The following CDK7 variants were observed in gnomAD, a reference collection of about 807,000 sequenced individuals.
CDK7 encodes cyclin-dependent kinase 7.
A neutral mutation model predicts 49.1 loss-of-function variants in CDK7; 25 were observed. That is an observed-to-expected ratio of 0.51 (90% CI 0.37 to 0.71). CDK7 has a LOEUF of 0.71. Among genes scored for constraint, CDK7 ranks in the 30% least tolerant of loss-of-function variants. The probability of loss-of-function intolerance (pLI) is 0.00; values close to 1 mark genes in which losing one functional copy is unlikely to be tolerated. For synonymous variants in CDK7, 107 were observed against 140.0 expected, an observed-to-expected ratio of 0.76 and a Z score of 1.67; for missense variants, 316 against 411.7, an observed-to-expected ratio of 0.77 and a Z score of 2.01.
In CDK7 at chr5:69,257,973, A is replaced by T. The variant is rs190471592; in HGVS notation, c.298-70A>T. On this transcript the variant is annotated intron_variant, in intron 5 of 11. Coordinates refer to ENST00000256443, the MANE Select transcript of CDK7 (RefSeq NM_001799.4). Reference sequence around the variant, plus strand: ...TTGATACTTACATTTTAAGTCTGTAAATTGTTTTATGTGGTAGAGTTTATT... The same window carrying T: ...TTGATACTTACATTTTAAGTCTGTATATTGTTTTATGTGGTAGAGTTTATT... The T allele has an allele frequency of 2.1e-4, 166 of 787,286 alleles. No individual in the cohort carries two copies. The African/African-American group carries it at 2.7e-3, about 13-fold the overall frequency. The allele number at this position is 787,286 out of a possible 1,614,324, so 48.8% of individuals were successfully genotyped here. A position where few individuals can be genotyped will look rare whatever the true frequency, so the allele number is the denominator to read the frequency against.
chr5:69,236,260 T>G (rs2150176938), intron 2 of CDK7, among the ~76,000 whole-genome samples: 1 of 151,552 alleles, frequency 6.6e-6, no homozygotes, highest in South Asian at 2.1e-4. Context: ...AAAAAAAGAT[T>G]TGGGTCATAA....
intron 7 of CDK7, among the ~76,000 whole-genome samples, chr5:69,261,318 A>G (rs956383730): frequency 2.0e-5 from 3 of 152,144 alleles, no homozygotes; most frequent in African/African-American, 7.2e-5. Context: ...TTTCTCATCT[A>G]CCAGTTTCTC....
chr5:69,270,217 C>T (rs944857722), intron 9 of CDK7, among the ~76,000 whole-genome samples: 1 of 151,880 alleles, frequency 6.6e-6, no homozygotes, highest in African/African-American at 2.4e-5. Context: ...AAATGGGTCA[C>T]TTGAGCCCAG....
chr5:69,264,952 C>A (rs967027861), intron 8 of CDK7, among the ~76,000 whole-genome samples: 19 of 149,144 alleles, frequency 1.3e-4, no homozygotes, highest in Non-Finnish European at 2.8e-4. Flanking sequence ...GCCTGGGCAA[C>A]AAATGTGAAA....
At chr5:69,265,908 T>TAA (rs71612522) in intron 8 of CDK7, among the ~76,000 whole-genome samples, 6 of 148,598 alleles carry the variant, frequency 4.0e-5, no homozygotes, top group Admixed American at 1.3e-4. Flanking sequence ...AGACACTAGC[T>TAA]AAAAAAAAAA....
chr5:69,248,802 CTTTTTTTT>C (rs70992911), intron 2 of CDK7, among the ~76,000 whole-genome samples: 1 of 92,276 alleles, frequency 1.1e-5, no homozygotes, highest in Non-Finnish European at 2.0e-5. Flanking sequence ...TTTTTTTTTT[CTTTTTTTT>C]TTTTTTTTTG....
At chr5:69,276,030 T>TTTTAC (rs1275966753) in intron 10 of CDK7, among the ~76,000 whole-genome samples, 1 of 152,016 alleles carries the variant, frequency 6.6e-6, no homozygotes, top group Non-Finnish European at 1.5e-5. Flanking sequence ...AGGGAGTCTT[T>TTTTAC]TTTTCTTTTC....
chr5:69,249,505 T>G (rs1192746547), intron 2 of CDK7, among the ~76,000 whole-genome samples: 1 of 151,754 alleles, frequency 6.6e-6, no homozygotes, highest in Non-Finnish European at 1.5e-5. Context: ...ATTGCACCAC[T>G]GCACTCCAGC....
intron 8 of CDK7, among the ~76,000 whole-genome samples, chr5:69,266,006 T>C (rs1336491579): frequency 6.6e-6 from 1 of 152,068 alleles, no homozygotes; most frequent in Non-Finnish European, 1.5e-5. Context: ...GAGGATTGCT[T>C]GAGCCTGGTT....
intron 9 of CDK7, among the ~76,000 whole-genome samples, chr5:69,269,929 T>C (rs1751417301): frequency 6.6e-6 from 1 of 151,310 alleles, no homozygotes. Flanking sequence ...TTCTCTTTGA[T>C]TTTTTAAAAA....
chr5:69,274,730 C>T (rs1751935254), intron 10 of CDK7, among the ~76,000 whole-genome samples: 1 of 152,056 alleles, frequency 6.6e-6, no homozygotes, highest in Non-Finnish European at 1.5e-5. Flanking sequence ...ATTCTCCTGT[C>T]TCAGCCTCCC....
intron 5 of CDK7, among the ~76,000 whole-genome samples, chr5:69,257,400 C>T (rs1210491493): frequency 6.6e-6 from 1 of 152,178 alleles, no homozygotes; most frequent in Non-Finnish European, 1.5e-5. Flanking sequence ...TTAGGCACAG[C>T]TCATAAATAA....
chr5:69,268,572 G>C (rs1367778974), intron 8 of CDK7, among the ~76,000 whole-genome samples: 6 of 152,146 alleles, frequency 3.9e-5, no homozygotes, highest in African/African-American at 9.7e-5. Flanking sequence ...CACTTTGAAG[G>C]CCAGGCATGG....
At chr5:69,246,959 G>A (rs1046169928) in intron 2 of CDK7, among the ~76,000 whole-genome samples, 2 of 152,296 alleles carry the variant, frequency 1.3e-5, no homozygotes, top group African/African-American at 2.4e-5. Context: ...GGTCAGAAAA[G>A]ATATTTGATA....
At chr5:69,247,866 ACT>A (rs1022190935) in intron 2 of CDK7, among the ~76,000 whole-genome samples, 3 of 151,576 alleles carry the variant, frequency 2.0e-5, no homozygotes, top group African/African-American at 7.3e-5. Context: ...AACTAATAAA[ACT>A]CTGCGTTTTA....
chr5:69,253,542 G>A (rs1397120169), intron 3 of CDK7, among the ~76,000 whole-genome samples: 11 of 151,712 alleles, frequency 7.3e-5, no homozygotes, highest in African/African-American at 2.2e-4. Context: ...CTGGGATTAC[G>A]AGCCACCGCG....
Position 69,272,991 on chromosome 5 carries a change from A to G in CDK7, c.814A>G (p.Ile272Val), listed in dbSNP as rs1580351242. 1 of 1,596,180 alleles carries G rather than the reference A, an allele frequency of 6.3e-7. No homozygotes were observed. The highest frequency in any genetic ancestry group is 2.2e-5 in the East Asian group (1 of 44,676). Residue 272 changes from isoleucine (I) to valine (V), a missense_variant, in exon 10 of 12, where the codon ATA becomes GTA. Coordinates refer to ENST00000256443, the MANE Select transcript of CDK7 (RefSeq NM_001799.4). ...SAAGDDLLDLIQGLFLFNPCA... is the reference protein window; with the variant it reads ...SAAGDDLLDLVQGLFLFNPCA... ...AGCAGGAGACGACTTACTAGATCTCATACAAGGCTTATTCTTATTTAATCC... is the reference window on the plus strand; with the variant it reads ...AGCAGGAGACGACTTACTAGATCTCGTACAAGGCTTATTCTTATTTAATCC...
chr5:69,236,490 T>C (rs1436533184), intron 2 of CDK7, among the ~76,000 whole-genome samples: 1 of 151,970 alleles, frequency 6.6e-6, no homozygotes, highest in Admixed American at 6.6e-5. Context: ...CTTCTCCTGC[T>C]TCAAAAACCC....
chr5:69,272,405 G>A (rs983261041), intron 9 of CDK7, among the ~76,000 whole-genome samples: 2 of 151,944 alleles, frequency 1.3e-5, no homozygotes, highest in South Asian at 4.1e-4. Context: ...AGAATAATTG[G>A]TCCTATATCT....
Sources: allele counts gnomAD v4.1 joint callset (sites outside exome capture counted in the v4.1 genomes callset), GRCh38; gene constraint gnomAD v4.1.1; transcripts MANE v1.5; gene names NCBI Gene and HGNC (gene_info 2026-07-23, HGNC 2026-07-21).